The following PDE4B variants were observed in gnomAD, a reference collection of about 807,000 sequenced individuals.
PDE4B encodes the protein 3',5'-cyclic-AMP phosphodiesterase 4B.
In PDE4B, 20 loss-of-function variants were observed where a neutral mutation model predicts 82.2. The ratio of observed to expected loss-of-function variants is 0.24; its 90% CI spans 0.17 to 0.35. The LOEUF (loss-of-function observed/expected upper bound fraction) is 0.35, where lower values mean the gene tolerates loss of function less well. PDE4B is among the 10% of genes least tolerant of loss of function. The pLI, the probability that PDE4B is intolerant of heterozygous loss-of-function variation, is 1.00. For missense variants in PDE4B, 655 were observed against 907.2 expected, an observed-to-expected ratio of 0.72 and a Z score of 3.57; for synonymous variants, 320 against 318.9, an observed-to-expected ratio of 1.00 and a Z score of -0.04.
intron 3 of PDE4B, among the ~76,000 whole-genome samples, chr1:66,067,192 G>C (rs1426011346): frequency 6.6e-6 from 1 of 152,012 alleles, no homozygotes; most frequent in Non-Finnish European, 1.5e-5. Flanking sequence ...ATAATCCTTT[G>C]GGTATATACC....
chr1:66,205,977 G>A (rs969392792), intron 3 of PDE4B, among the ~76,000 whole-genome samples: 3 of 152,138 alleles, frequency 2.0e-5, no homozygotes, highest in Non-Finnish European at 4.4e-5. Context: ...TGACTATAGG[G>A]ACAAAAAGGG....
At chr1:66,087,139 T>A (rs559318290) in intron 3 of PDE4B, among the ~76,000 whole-genome samples, 1 of 152,256 alleles carries the variant, frequency 6.6e-6, no homozygotes, top group East Asian at 1.9e-4. Flanking sequence ...AAGTTCCTTA[T>A]GTTCTATACA....
At chr1:66,218,319 G>T (rs1040752958) in intron 3 of PDE4B, among the ~76,000 whole-genome samples, 3 of 152,138 alleles carry the variant, frequency 2.0e-5, no homozygotes, top group Non-Finnish European at 4.4e-5. Flanking sequence ...ATTAGGGCAG[G>T]AATTTACTGG....
intron 1 of PDE4B, among the ~76,000 whole-genome samples, chr1:65,836,621 T>C (rs776420788): frequency 6.6e-6 from 1 of 152,214 alleles, no homozygotes; most frequent in African/African-American, 2.4e-5. Flanking sequence ...GACAGCTTTT[T>C]TTTTCCAACT....
chr1:65,991,344 G>C (rs528850626), intron 3 of PDE4B, among the ~76,000 whole-genome samples: 1 of 152,180 alleles, frequency 6.6e-6, no homozygotes, highest in African/African-American at 2.4e-5. Flanking sequence ...GCCTCCCAAA[G>C]TGTTGGGATT....
At chr1:65,994,712 A>G (rs1569914898) in intron 3 of PDE4B, among the ~76,000 whole-genome samples, 1 of 152,124 alleles carries the variant, frequency 6.6e-6, no homozygotes, top group Admixed American at 6.6e-5. Context: ...AGTTAATATT[A>G]AATTGCTATT....
chr1:65,826,594 C>G (rs983059153), intron 1 of PDE4B, among the ~76,000 whole-genome samples: 3 of 152,126 alleles, frequency 2.0e-5, no homozygotes, highest in African/African-American at 7.2e-5. Context: ...CCACACCTAC[C>G]TCCCTAATCT....
chr1:66,125,545 G>T (rs937042031), intron 3 of PDE4B, among the ~76,000 whole-genome samples: 4 of 152,148 alleles, frequency 2.6e-5, no homozygotes, highest in Non-Finnish European at 5.9e-5. Flanking sequence ...GAAGTGTTTT[G>T]GGCTTTATTT....
chr1:66,209,220 T>C (rs1369701360), intron 3 of PDE4B, among the ~76,000 whole-genome samples: 1 of 152,232 alleles, frequency 6.6e-6, no homozygotes, highest in African/African-American at 2.4e-5. Flanking sequence ...AGCTTGTATG[T>C]AGCATTAATT....
At chr1:65,957,637 C>T (rs952397117) in intron 3 of PDE4B, among the ~76,000 whole-genome samples, 1 of 151,984 alleles carries the variant, frequency 6.6e-6, no homozygotes, top group Non-Finnish European at 1.5e-5. Flanking sequence ...TGGAAATTGG[C>T]ATTTTTTTGG....
chr1:66,109,125 G>A (rs1319065222), intron 3 of PDE4B, among the ~76,000 whole-genome samples: 1 of 151,910 alleles, frequency 6.6e-6, no homozygotes, highest in African/African-American at 2.4e-5. Flanking sequence ...TAGAGCCTGT[G>A]AAACCCTGTT....
At chr1:65,964,652 A>G (rs569129961) in intron 3 of PDE4B, among the ~76,000 whole-genome samples, 13 of 152,326 alleles carry the variant, frequency 8.5e-5, no homozygotes, top group African/African-American at 3.1e-4. Flanking sequence ...AAAAAGAATA[A>G]CAATTCTACA....
chr1:66,202,671 C>A (rs1349184803), intron 3 of PDE4B, among the ~76,000 whole-genome samples: 4 of 152,018 alleles, frequency 2.6e-5, no homozygotes, highest in Middle Eastern at 3.4e-3. Context: ...GATTGCAACC[C>A]CTGCCTTTTT....
intron 7 of PDE4B, among the ~76,000 whole-genome samples, chr1:66,268,667 C>CAAAAAAAAAAAAAAAAAA (rs36046564): frequency 9.8e-5 from 6 of 61,238 alleles, no homozygotes; most frequent in South Asian, 7.3e-4. Flanking sequence ...GACTCCATCT[C>CAAAAAAAAAAAAAAAAAA]AAAAAAAAAA....
chr1:66,091,064 TTG>T (rs1184734446), intron 3 of PDE4B, among the ~76,000 whole-genome samples: 1 of 152,030 alleles, frequency 6.6e-6, no homozygotes, highest in Non-Finnish European at 1.5e-5. Flanking sequence ...CAGCACCCTG[TTG>T]TGGCCCCTGT....
At chr1:65,842,284 CA>C (rs1422630892) in intron 1 of PDE4B, among the ~76,000 whole-genome samples, 2 of 151,918 alleles carry the variant, frequency 1.3e-5, no homozygotes, top group Non-Finnish European at 2.9e-5. Context: ...GCAGGAAATA[CA>C]AAAACAAATA....
At chr1:65,861,370 T>G (rs1646452209) in intron 1 of PDE4B, among the ~76,000 whole-genome samples, 1 of 152,176 alleles carries the variant, frequency 6.6e-6, no homozygotes, top group African/African-American at 2.4e-5. Flanking sequence ...ATGTGTGGTG[T>G]TATTTCTGAG....
intron 7 of PDE4B, among the ~76,000 whole-genome samples, chr1:66,268,440 C>T (rs1258933404): frequency 2.0e-5 from 3 of 151,944 alleles, no homozygotes; most frequent in South Asian, 2.1e-4. Context: ...GAGGCCAAAG[C>T]GGACGGATCA....
At chr1:66,023,371 C>T (rs1164094559) in intron 3 of PDE4B, among the ~76,000 whole-genome samples, 8 of 152,164 alleles carry the variant, frequency 5.3e-5, no homozygotes, top group Non-Finnish European at 8.8e-5. Flanking sequence ...TATCAGTTCA[C>T]AATGTTGGCA....
Sources: allele counts gnomAD v4.1 joint callset (sites outside exome capture counted in the v4.1 genomes callset), GRCh38; gene constraint gnomAD v4.1.1; transcripts MANE v1.5; gene names NCBI Gene and HGNC (gene_info 2026-07-23, HGNC 2026-07-21).